Variants in RAG1 observed in about 807,000 individuals in gnomAD.
RAG1 encodes the protein V(D)J recombination-activating protein 1.
RAG1 carries 35 observed loss-of-function variants against 62.7 expected under a neutral mutation model. The ratio of observed to expected loss-of-function variants is 0.56; its 90% CI spans 0.43 to 0.74. The LOEUF is 0.74. Ranked by LOEUF, RAG1 falls within the 30% of genes least tolerant of loss-of-function variation. The probability of loss-of-function intolerance (pLI) is 0.00; values close to 1 mark genes in which losing one functional copy is unlikely to be tolerated. For synonymous variants in RAG1, 461 were observed against 470.3 expected, an observed-to-expected ratio of 0.98 and a Z score of 0.26; for missense variants, 1,169 against 1,278.6, an observed-to-expected ratio of 0.91 and a Z score of 1.31.
At chr11:36,560,943 GTTAT>G (rs1176117057) in intron 3 of RAG1, among the ~76,000 whole-genome samples, 1 of 152,240 alleles carries the variant, frequency 6.6e-6, no homozygotes, top group Non-Finnish European at 1.5e-5. Context: ...TCAAAGTGTA[GTTAT>G]TTGTTTGTTG....
Position 36,575,313 on chromosome 11 carries a change from C to A in RAG1, c.2009C>A (p.Thr670Lys), listed in dbSNP as rs139863630. 3 of 1,614,188 alleles carry A rather than the reference C, an allele frequency of 1.9e-6. No individual in the cohort carries two copies. Among genetic ancestry groups the A allele is most frequent in the South Asian group, 2.2e-5 (2 of 91,078 alleles). ...LMLADESDHE[T>K]LTAILSPLIA... ...CTGGCAGATGAGTCTGACCACGAGA[C>A]GCTGACTGCCATCCTGAGTCCTCTC... Residue 670 changes from threonine (T) to lysine (K), a missense_variant, in exon 2 of 2, where the codon ACG becomes AAG. This residue lies in a region of RAG1 where 800 missense variants were observed against 943.3 expected (regional missense o/e 0.85). Transcript: ENST00000299440. The surrounding 1 kb of genome is among the most constrained non-coding windows in gnomAD (Gnocchi z 4.1).
intron 2 of RAG1, among the ~76,000 whole-genome samples, chr11:36,529,837 A>C (rs1393478750): frequency 6.6e-6 from 1 of 152,044 alleles, no homozygotes; most frequent in Non-Finnish European, 1.5e-5. Context: ...GGCTTTACAG[A>C]ATGAATTGGG....
rs557086516 is a variant in RAG1, at chr11:36,520,788, A to G, written n.428+559A>G. Reference sequence around the variant, plus strand: ...GAGATCTTAACTCTTAAAATATGGGACAAAGTTGATAGCTATTGGTTATGG... The same window carrying G: ...GAGATCTTAACTCTTAAAATATGGGGCAAAGTTGATAGCTATTGGTTATGG... On this transcript the variant is annotated intron_variant and non_coding_transcript_variant, in intron 2 of 2. Coordinates refer to the RAG1 transcript ENST00000529126. 4.8e-4 allele frequency among the ~76,000 whole-genome samples: 73 copies of G among 152,284 alleles called. No homozygotes were observed. In the South Asian group the frequency reaches 0.015, roughly 31 times the overall value.
At chr11:36,545,164 A>G (rs1015843345) in intron 3 of RAG1, among the ~76,000 whole-genome samples, 1 of 152,166 alleles carries the variant, frequency 6.6e-6, no homozygotes, top group Non-Finnish European at 1.5e-5. Context: ...CTTTTTTTGC[A>G]TTAAAGTATA....
Position 36,571,956 on chromosome 11 carries a change from T to C in RAG1, c.-14-1335T>C, listed in dbSNP as rs4151016. Reference sequence around the variant, plus strand: ...TTTCTGATGTGTGATGCATGTAAGATAGAACAAACTTCAGTAAAGCGGGGA... The same window carrying C: ...TTTCTGATGTGTGATGCATGTAAGACAGAACAAACTTCAGTAAAGCGGGGA... On this transcript the variant is annotated intron_variant, in intron 1 of 1. Transcript: ENST00000299440. Among the ~76,000 whole-genome samples the C allele has an allele frequency of 2.2e-4, 34 of 152,252 alleles. No homozygotes were observed. The East Asian group carries it at 5.2e-3, about 23-fold the overall frequency.
intron 3 of RAG1, among the ~76,000 whole-genome samples, chr11:36,559,126 G>C (rs1474333308): frequency 6.6e-6 from 1 of 152,078 alleles, no homozygotes; most frequent in Non-Finnish European, 1.5e-5. Flanking sequence ...ATTCTTGATT[G>C]ACAGTTTTTT....
chr11:36,567,677 A>G (rs1459406153), upstream of RAG1, among the ~76,000 whole-genome samples: 1 of 152,236 alleles, frequency 6.6e-6, no homozygotes, highest in Non-Finnish European at 1.5e-5. Flanking sequence ...TTTGAGGTAT[A>G]TACTACTAGC....
chr11:36,559,553 T>C (rs7942654), intron 3 of RAG1, among the ~76,000 whole-genome samples: 12 of 152,184 alleles, frequency 7.9e-5, no homozygotes, highest in African/African-American at 2.9e-4. Flanking sequence ...TCATTCTTTT[T>C]TATTTTTCTT....
intron 3 of RAG1, among the ~76,000 whole-genome samples, chr11:36,561,455 A>AT (rs201438873): frequency 1.6e-4 from 25 of 151,638 alleles, no homozygotes; most frequent in South Asian, 4.2e-4. Context: ...TTGTTTATTA[A>AT]TTTTTTTTTG....
rs188113256 is a variant in RAG1, at chr11:36,533,046, C to T, written n.429-2913C>T. ...CAGCCCAATTGTTCCCTTTTTTTCACGTGTAGTTCTCAAGAGTAGCTGCAG... is the reference window on the plus strand; with the variant it reads ...CAGCCCAATTGTTCCCTTTTTTTCATGTGTAGTTCTCAAGAGTAGCTGCAG... On this transcript the variant is annotated intron_variant and non_coding_transcript_variant, in intron 2 of 2. Transcript: ENST00000529126. 1.2e-4 allele frequency among the ~76,000 whole-genome samples: 19 copies of T among 152,006 alleles called. 1 individual carries two copies. Among genetic ancestry groups the T allele is most frequent in the African/African-American group, 4.3e-4 (18 of 41,464 alleles).
In RAG1 at chr11:36,577,849, G is replaced by A; in HGVS notation, c.*1413G>A. On this transcript the variant is annotated 3_prime_UTR_variant, in exon 2 of 2. Coordinates refer to ENST00000299440, the MANE Select transcript of RAG1 (RefSeq NM_000448.3). ...TTAGGATTCACAACTAATCACTATA[G>A]CACATGACCTTGGGATTACATTTTT... 6.0e-6 allele frequency: 1 copy of A among 167,166 alleles called. No homozygotes were observed. The allele number at this position is 167,166 out of a possible 1,614,324, so 10.4% of individuals were successfully genotyped here.
Position 36,574,917 on chromosome 11 carries a change from T to C in RAG1, c.1613T>C (p.Ile538Thr). The C allele has an allele frequency of 1.2e-6, 2 of 1,614,234 alleles. No individual in the cohort carries two copies. Among genetic ancestry groups the C allele is most frequent in the Middle Eastern group, 1.6e-4 (1 of 6,062 alleles). The change falls in exon 2 of 2, where the codon ATT (isoleucine) becomes ACT (threonine). Residue 538 changes from isoleucine (I) to threonine (T), a missense_variant. Around this residue, in one of 2 missense-constraint regions of RAG1, gnomAD observed 800 missense variants for 943.3 expected, o/e 0.85. Transcript: ENST00000299440. ...TCTTCCAGCACTGATGTTGGCATTA[T>C]TGATGGGCTGTCTGGACTATCATCC... is the stretch of plus-strand genomic sequence containing the variant. ...NVSSSTDVGIIDGLSGLSSSV... is the reference protein window; with the variant it reads ...NVSSSTDVGITDGLSGLSSSV...
intron 3 of RAG1, among the ~76,000 whole-genome samples, chr11:36,543,146 A>G (rs1338135730): frequency 6.6e-6 from 1 of 152,090 alleles, no homozygotes; most frequent in Non-Finnish European, 1.5e-5. Flanking sequence ...ACTGGCTAAC[A>G]TCCTCTCAGG....
intron 2 of RAG1, among the ~76,000 whole-genome samples, chr11:36,527,282 A>G (rs1860178232): frequency 1.3e-5 from 2 of 152,200 alleles, no homozygotes; most frequent in Admixed American, 1.3e-4. Flanking sequence ...GAAGTGATCC[A>G]GTTTCAGCTT....
intron 2 of RAG1, among the ~76,000 whole-genome samples, chr11:36,533,474 A>C (rs1397435175): frequency 6.6e-6 from 1 of 152,190 alleles, no homozygotes; most frequent in Admixed American, 6.5e-5. Context: ...CAGGGGCATT[A>C]ATTTTATATG....
chr11:36,536,356 T>A (rs1400613981), downstream of RAG1, among the ~76,000 whole-genome samples: 1 of 152,170 alleles, frequency 6.6e-6, no homozygotes, highest in African/African-American at 2.4e-5. Context: ...TCATGTTGAA[T>A]GAAAGAAGCC....
chr11:36,578,914 G>A lies in RAG1; in HGVS notation c.*2478G>A, dbSNP rs1850893355. 1 of 167,078 alleles carries A rather than the reference G, an allele frequency of 6.0e-6. No individual in the cohort carries two copies. The highest frequency in any genetic ancestry group is 6.5e-5 in the Admixed American group (1 of 15,284). The allele number at this position is 167,078 out of a possible 1,614,324, so 10.3% of individuals were successfully genotyped here. A position where few individuals can be genotyped will look rare whatever the true frequency, so the allele number is the denominator to read the frequency against. On this transcript the variant is annotated 3_prime_UTR_variant, in exon 2 of 2. Transcript: ENST00000299440. ...TGAAGTATATACTGGGACTTCAGAA[G>A]TGCAATGTATTTTTCTCCTGTGAAA...
intron 2 of RAG1, among the ~76,000 whole-genome samples, chr11:36,531,922 T>G (rs532470378): frequency 2.9e-4 from 44 of 152,216 alleles, no homozygotes; most frequent in Middle Eastern, 3.4e-3. Flanking sequence ...TTTTTTCCAT[T>G]TAGCATGATG....
intron 2 of RAG1, among the ~76,000 whole-genome samples, chr11:36,532,800 T>TGA (rs199710181): frequency 0.014 from 2,119 of 150,666 alleles, 28 homozygotes; most frequent in East Asian, 0.066. Flanking sequence ...TAAGATATTT[T>TGA]GAGAGAGAGA....
Sources: gnomAD v4.1 joint callset for allele counts (sites outside exome capture counted in the v4.1 genomes callset) on GRCh38, gnomAD v4.1.1 for gene constraint, gnomAD v4.1.1 regional missense constraint, Gnocchi (gnomAD v3.1) non-coding constraint, MANE v1.5 for transcripts, NCBI Gene and HGNC (gene_info 2026-07-23, HGNC 2026-07-21) for gene names.